ATRNL1: variants seen among roughly 807,000 people sequenced by gnomAD.
ATRNL1 encodes attractin-like protein 1.
ATRNL1 carries 95 observed loss-of-function variants against 182.7 expected under a neutral mutation model. That is an observed-to-expected ratio of 0.52 (90% confidence interval 0.44 to 0.62). The LOEUF (loss-of-function observed/expected upper bound fraction) is 0.62, where lower values mean the gene tolerates loss of function less well. Ranked by LOEUF, ATRNL1 falls within the 20% of genes least tolerant of loss-of-function variation. ATRNL1 has a pLI of 0.00. For synonymous variants in ATRNL1, 576 were observed against 568.3 expected (o/e 1.01, Z -0.19); for missense variants, 1,471 against 1,679.5 (o/e 0.88, Z 2.17).
At chr10:115,632,864 T>TTTTATTTTATTTTATTTTATTTTATTTTA (rs1858603626) in intron 26 of ATRNL1, among the ~76,000 whole-genome samples, 2 of 136,532 alleles carry the variant, frequency 1.5e-5, no homozygotes, top group Non-Finnish European at 3.1e-5. Flanking sequence ...TCACATTAAC[T>TTTTATTTTATTTTATTTTATTTTATTTTA]TTTTATTTTA....
At chr10:115,633,471 A>T (rs1858656021) in intron 26 of ATRNL1, among the ~76,000 whole-genome samples, 1 of 152,196 alleles carries the variant, frequency 6.6e-6, no homozygotes, top group Non-Finnish European at 1.5e-5. Context: ...TTTCTTCTAT[A>T]AGAATTTATA....
chr10:115,376,764 A>C (rs1040288312), intron 19 of ATRNL1, among the ~76,000 whole-genome samples: 9 of 152,106 alleles, frequency 5.9e-5, no homozygotes. Context: ...TAACCTTCCC[A>C]ATATTTGGGA....
intron 26 of ATRNL1, among the ~76,000 whole-genome samples, chr10:115,581,432 G>A (rs1855068736): frequency 6.6e-6 from 1 of 151,934 alleles, no homozygotes; most frequent in Admixed American, 6.6e-5. Context: ...AGGATCTGTG[G>A]GAAATTCCTG....
At chr10:115,642,859 C>T (rs1215500838) in intron 26 of ATRNL1, among the ~76,000 whole-genome samples, 2 of 152,206 alleles carry the variant, frequency 1.3e-5, no homozygotes, top group African/African-American at 4.8e-5. Flanking sequence ...ATTGGTAACA[C>T]TTGATTTCGA....
intron 26 of ATRNL1, among the ~76,000 whole-genome samples, chr10:115,705,151 A>G (rs181590374): frequency 5.3e-5 from 8 of 152,056 alleles, no homozygotes; most frequent in Admixed American, 1.3e-4. Flanking sequence ...AACCAAACCA[A>G]TGATGTTAAA....
rs114053335 is a variant in ATRNL1, at chr10:115,905,106, G to C, written c.4019-39552G>C. Among the ~76,000 whole-genome samples, 737 of 152,306 alleles carry C rather than the reference G, an allele frequency of 4.8e-3. 9 individuals are homozygous for C. Among genetic ancestry groups the C allele is most frequent in the African/African-American group, 0.017 (709 of 41,568 alleles). Reference sequence around the variant, plus strand: ...GCCTGGCACTTACCCAAACGAGAAAGTGAGCTAGTCCCCAGCTACTAAAGT... The same window carrying C: ...GCCTGGCACTTACCCAAACGAGAAACTGAGCTAGTCCCCAGCTACTAAAGT... On this transcript the variant is annotated intron_variant, in intron 28 of 28. Transcript: ENST00000355044.
At chr10:115,271,770 G>A (rs141014632) in intron 13 of ATRNL1, among the ~76,000 whole-genome samples, 295 of 152,226 alleles carry the variant, frequency 1.9e-3, no homozygotes, top group African/African-American at 6.7e-3. Context: ...TTCTTCATTA[G>A]TAGTCCTGCT....
intron 1 of ATRNL1, among the ~76,000 whole-genome samples, chr10:115,100,819 A>G (rs1037096049): frequency 2.0e-5 from 3 of 152,312 alleles, no homozygotes; most frequent in Admixed American, 6.5e-5. Context: ...CTATAGATCA[A>G]TTTTGGGGAA....
At chr10:115,180,783 A>G (rs1228510112) in intron 8 of ATRNL1, among the ~76,000 whole-genome samples, 4 of 151,938 alleles carry the variant, frequency 2.6e-5, no homozygotes, top group African/African-American at 9.7e-5. Flanking sequence ...AATTTTGAAC[A>G]TAGAAAAACT....
At chr10:115,293,371 G>C (rs1324558584) in intron 15 of ATRNL1, among the ~76,000 whole-genome samples, 2 of 152,010 alleles carry the variant, frequency 1.3e-5, no homozygotes, top group Non-Finnish European at 2.9e-5. Context: ...TGGAAGGTGA[G>C]AATTATTCCT....
chr10:115,836,855 T>G (rs1419028850), intron 27 of ATRNL1, among the ~76,000 whole-genome samples: 2 of 152,154 alleles, frequency 1.3e-5, no homozygotes, highest in Non-Finnish European at 2.9e-5. Context: ...GATACCTGTA[T>G]TTGTGCTGTG....
At chr10:115,686,477 A>G (rs1243241450) in intron 26 of ATRNL1, among the ~76,000 whole-genome samples, 3 of 152,034 alleles carry the variant, frequency 2.0e-5, no homozygotes, top group African/African-American at 7.2e-5. Flanking sequence ...ATTAACCTTC[A>G]TTAATCTGCA....
intron 26 of ATRNL1, among the ~76,000 whole-genome samples, chr10:115,693,177 T>A (rs1351165805): frequency 6.6e-6 from 1 of 152,122 alleles, no homozygotes; most frequent in African/African-American, 2.4e-5. Flanking sequence ...TATATAGTAA[T>A]AGTTTTTTAC....
At chr10:115,380,481 C>T (rs183414165) in intron 19 of ATRNL1, among the ~76,000 whole-genome samples, 3 of 152,246 alleles carry the variant, frequency 2.0e-5, no homozygotes, top group Admixed American at 2.0e-4. Context: ...CATCACCCCC[C>T]TCTAAAAAGC....
At chr10:115,715,806 CA>C (rs1555056108) in intron 26 of ATRNL1, among the ~76,000 whole-genome samples, 4 of 152,188 alleles carry the variant, frequency 2.6e-5, no homozygotes, top group African/African-American at 9.7e-5. Flanking sequence ...AAGTTCACGT[CA>C]AGGTATTCAA....
At chr10:115,749,673 T>A (rs1948392560) in intron 27 of ATRNL1, among the ~76,000 whole-genome samples, 1 of 151,882 alleles carries the variant, frequency 6.6e-6, no homozygotes, top group Non-Finnish European at 1.5e-5. Flanking sequence ...CATCTCATTA[T>A]TTGCCAGGTT....
intron 28 of ATRNL1, among the ~76,000 whole-genome samples, chr10:115,912,636 C>T (rs1273473919): frequency 6.6e-6 from 1 of 151,046 alleles, no homozygotes; most frequent in African/African-American, 2.4e-5. Context: ...CAGAAATGCT[C>T]AACACAACAT....
intron 8 of ATRNL1, among the ~76,000 whole-genome samples, chr10:115,185,973 C>G (rs1281540608): frequency 6.6e-6 from 1 of 151,980 alleles, no homozygotes; most frequent in Non-Finnish European, 1.5e-5. Flanking sequence ...CAGTCTCTGT[C>G]TCATCTATTC....
chr10:115,602,046 A>G (rs549099951), intron 26 of ATRNL1, among the ~76,000 whole-genome samples: 6 of 151,428 alleles, frequency 4.0e-5, no homozygotes, highest in Non-Finnish European at 7.4e-5. Flanking sequence ...TACAATATGC[A>G]TTTTGAACTT....
Sources: allele counts gnomAD v4.1 joint callset (sites outside exome capture counted in the v4.1 genomes callset), GRCh38; gene constraint gnomAD v4.1.1; transcripts MANE v1.5; gene names NCBI Gene and HGNC (gene_info 2026-07-23, HGNC 2026-07-21).